The following DMAP1 variants were observed in gnomAD, a reference collection of about 807,000 sequenced individuals.
DMAP1 encodes the protein DNA methyltransferase 1 associated protein 1.
DMAP1 carries 26 observed loss-of-function variants against 52.7 expected under a neutral mutation model. The observed-to-expected ratio is 0.49, with a 90% CI of 0.36 to 0.68. The LOEUF (loss-of-function observed/expected upper bound fraction) is 0.68. Among genes scored for constraint, DMAP1 ranks in the 30% least tolerant of loss-of-function variants. The pLI is 0.00. For synonymous variants in DMAP1, 231 were observed against 246.0 expected, an observed-to-expected ratio of 0.94 and a Z score of 0.57; for missense variants, 439 against 625.2, an observed-to-expected ratio of 0.70 and a Z score of 3.18.
Position 44,218,820 on chromosome 1 carries a change from CAT to C in DMAP1, c.720+66_720+67del. ...CCCCTTGCTCATTGTCTCCATCCTC[CAT>C]CCCCTCAACTCCCACTCCCAGGTCC... On this transcript the variant is annotated intron_variant, in intron 5 of 9. Coordinates refer to ENST00000372289, the MANE Select transcript of DMAP1 (RefSeq NM_019100.5). This position sits in a 1 kb window ranked among gnomAD's most constrained non-coding sequence, Gnocchi z 5.6. 1.9e-6 allele frequency: 3 copies of C among 1,544,160 alleles called. No individual in the cohort carries two copies. Among genetic ancestry groups the C allele is most frequent in the Non-Finnish European group, 2.6e-6 (3 of 1,141,174 alleles).
Position 44,219,106 on chromosome 1 carries a change from G to A in DMAP1, c.771G>A (p.Arg257=). Residue 257 remains arginine (R), a synonymous_variant, in exon 6 of 10, where the codon CGG becomes CGA. Coordinates refer to ENST00000372289, the MANE Select transcript of DMAP1 (RefSeq NM_019100.5). ...LLQELRKIEA[R]KKEREKRSQD... is the part of the protein sequence containing the mutation. ...AGGAGCTGCGCAAGATTGAGGCCCG[G>A]AAGAAGGAGCGGGAGAAACGCAGCC... The A allele has an allele frequency of 9.9e-6, 16 of 1,614,198 alleles. No homozygotes were observed. Among genetic ancestry groups the A allele is most frequent in the Non-Finnish European group, 1.4e-5 (16 of 1,180,046 alleles).
intron 8 of DMAP1, 66 bp from the exon 9 acceptor site, chr1:44,219,951 G>A: frequency 6.2e-7 from 1 of 1,609,714 alleles, no homozygotes; most frequent in Non-Finnish European, 8.5e-7. Flanking sequence ...AGGGGGAGGG[G>A]AGTTCACATT....
intron 2 of DMAP1, 111 bp downstream of exon 2, chr1:44,214,552 T>C: frequency 1.2e-6 from 2 of 1,612,646 alleles, no homozygotes; most frequent in Middle Eastern, 1.6e-4. Flanking sequence ...GGGCTCCTGC[T>C]TGCTTAGCAG....
chr1:44,219,318 G>A, intron 6 of DMAP1, 77 bp downstream of exon 6: 1 of 1,566,508 alleles, frequency 6.4e-7, no homozygotes, highest in Non-Finnish European at 8.6e-7. Context: ...GGAGGGTTCT[G>A]AGAGTACCCA....
chr1:44,219,475 C>A lies in DMAP1; in HGVS notation c.976C>A (p.Arg326=). ...KSAGVTLRSQ[R]MKLPSSVGQK... Reference sequence around the variant, plus strand: ...TGCAGGTGTCACGCTGCGGAGCCAACGGGTACGTGAGTCACCTCCTTTAGC... The same window carrying A: ...TGCAGGTGTCACGCTGCGGAGCCAAAGGGTACGTGAGTCACCTCCTTTAGC... The change falls in exon 7 of 10, where the codon CGG becomes AGG. Residue 326 remains arginine, a splice_region_variant and synonymous_variant. Transcript: ENST00000372289. The A allele has an allele frequency of 6.3e-7, 1 of 1,578,914 alleles. No individual in the cohort carries two copies.
At chr1:44,214,531 C>T (rs763968553) in intron 2 of DMAP1, 90 bp downstream of exon 2, 1 of 1,613,004 alleles carries the variant, frequency 6.2e-7, no homozygotes, top group Admixed American at 1.7e-5. Flanking sequence ...CAATTTTCTC[C>T]TCCCCAGCAA....
Position 44,213,797 on chromosome 1 carries a change from G to C in DMAP1, c.44G>C (p.Gly15Ala). 3 of 1,595,434 alleles carry C rather than the reference G, an allele frequency of 1.9e-6. No homozygotes were observed. In the South Asian group the frequency reaches 3.4e-5, roughly 18 times the overall value. Residue 15 changes from glycine (G) to alanine (A), a missense_variant, in exon 1 of 10, where the codon GGT (glycine) becomes GCT (alanine). By Grantham distance (60) the Gly-to-Ala change is moderately conservative (BLOSUM62 0). Coordinates refer to ENST00000372289, the MANE Select transcript of DMAP1 (RefSeq NM_019100.5). This position sits in a 1 kb window ranked among gnomAD's most constrained non-coding sequence, Gnocchi z 4.5. ...ADVRDILELG[G>A]PEGDAASGTI... is the part of the protein sequence containing the mutation. ...GTACGGGACATTCTAGAACTCGGGG[G>C]TCCAGAAGGGGATGCAGCCTCTGGG...
At chr1:44,217,730 T>G in intron 3 of DMAP1, 1 of 196,834 alleles carries the variant, frequency 5.1e-6, no homozygotes, top group Admixed American at 5.2e-5. Flanking sequence ...CTTGGGTCTC[T>G]GACAGACTCA....
chr1:44,214,647 G>A (rs1643751548), intron 2 of DMAP1, 56 bp from the exon 3 acceptor site: 2 of 1,613,118 alleles, frequency 1.2e-6, no homozygotes, highest in African/African-American at 2.7e-5. Context: ...GGGACAAAAA[G>A]CTCTTTAACA....
At chr1:44,214,986 C>CT in intron 3 of DMAP1, 88 bp downstream of exon 3, 2 of 1,503,924 alleles carry the variant, frequency 1.3e-6, no homozygotes, top group Non-Finnish European at 1.8e-6. Context: ...AGGGTTGGTT[C>CT]TGGGGGCACG....
In DMAP1 at chr1:44,219,191, C is replaced by G; in HGVS notation, c.856C>G (p.Arg286Gly). Residue 286 changes from arginine to glycine, a missense_variant, in exon 6 of 10, where the codon CGC becomes GGC. This residue lies in a region of DMAP1 where 179 missense variants were observed against 285.9 expected (regional missense o/e 0.63). Transcript: ENST00000372289. ...DTTAEQRRTE[R>G]KAPKKKLPQK... Reference sequence around the variant, plus strand: ...CACTGCAGAGCAGCGGCGCACGGAACGCAAGGCCCCCAAAAAGAAGCTACC... The same window carrying G: ...CACTGCAGAGCAGCGGCGCACGGAAGGCAAGGCCCCCAAAAAGAAGCTACC... 6.2e-7 allele frequency: 1 copy of G among 1,613,926 alleles called. No individual in the cohort carries two copies. The highest frequency in any genetic ancestry group is 8.5e-7 in the Non-Finnish European group (1 of 1,179,974).
At chr1:44,215,555 G>A (rs1032860780) in intron 3 of DMAP1, 3 of 330,562 alleles carry the variant, frequency 9.1e-6, no homozygotes, top group African/African-American at 2.2e-5. Context: ...TTTCAAATAA[G>A]AGCCGTCAGT....
intron 1 of DMAP1, among the ~76,000 whole-genome samples, 155 bp from the exon 2 acceptor site, chr1:44,214,195 G>A (rs1643741877): frequency 1.3e-5 from 2 of 152,180 alleles, no homozygotes; most frequent in Non-Finnish European, 2.9e-5. Context: ...GGCGTAGGAT[G>A]GTGTTCCTGG....
At position 44,219,123 on chromosome 1, in the gene DMAP1, A is replaced by G; in HGVS notation, c.788A>G (p.Lys263Arg). 6.2e-7 allele frequency: 1 copy of G among 1,614,200 alleles called. No individual in the cohort carries two copies. Among genetic ancestry groups the G allele is most frequent in the Non-Finnish European group, 8.5e-7 (1 of 1,180,038 alleles). The stretch of plus-strand genomic sequence containing the variant: ...GAGGCCCGGAAGAAGGAGCGGGAGA[A>G]ACGCAGCCAGGACCTGCAGAAGCTG... ...KIEARKKEREKRSQDLQKLIT... is the reference protein window; with the variant it reads ...KIEARKKERERRSQDLQKLIT... Residue 263 changes from lysine to arginine, a missense_variant, in exon 6 of 10, where the codon AAA (lysine) becomes AGA (arginine). Physicochemically the swap from Lys to Arg is conservative, Grantham distance 26 (BLOSUM62 2). Around this residue, in one of 3 missense-constraint regions of DMAP1, gnomAD observed 179 missense variants for 285.9 expected, o/e 0.63. Coordinates refer to ENST00000372289, the MANE Select transcript of DMAP1 (RefSeq NM_019100.5).
At chr1:44,214,036 T>C (rs1643737401) in intron 1 of DMAP1, among the ~76,000 whole-genome samples, 178 bp downstream of exon 1, 1 of 152,068 alleles carries the variant, frequency 6.6e-6, no homozygotes, top group Non-Finnish European at 1.5e-5. Context: ...TGGGACATCG[T>C]GGGAGATGGT....
chr1:44,213,963 G>A lies in DMAP1; in HGVS notation c.105+105G>A. On this transcript the variant is annotated intron_variant, in intron 1 of 9. Coordinates refer to ENST00000372289, the MANE Select transcript of DMAP1 (RefSeq NM_019100.5). The surrounding 1 kb of genome is among the most constrained non-coding windows in gnomAD (Gnocchi z 4.5). ...GGGTGCTACACTTACAGTGAGTTGGGCGATAAAAGGGGTGACATAACAGGA... is the reference window on the plus strand; with the variant it reads ...GGGTGCTACACTTACAGTGAGTTGGACGATAAAAGGGGTGACATAACAGGA... 9.8e-7 allele frequency: 1 copy of A among 1,021,668 alleles called. No individual in the cohort carries two copies. Among genetic ancestry groups the A allele is most frequent in the Non-Finnish European group, 1.5e-6 (1 of 681,422 alleles). 63.3% of individuals were successfully genotyped at this position (1,021,668 alleles called of 1,614,324 possible). A position where few individuals can be genotyped will look rare whatever the true frequency, so the allele number is the denominator to read the frequency against.
rs757395216 is a variant in DMAP1, at chr1:44,218,149, G to T, written c.394-162G>T. 9 of 915,982 alleles carry T rather than the reference G, an allele frequency of 9.8e-6. No homozygotes were observed. Among genetic ancestry groups the T allele is most frequent in the Non-Finnish European group, 1.4e-5 (8 of 559,094 alleles). 56.7% of individuals were successfully genotyped at this position (915,982 alleles called of 1,614,324 possible). On this transcript the variant is annotated intron_variant, in intron 3 of 9. Transcript: ENST00000372289. This position sits in a 1 kb window ranked among gnomAD's most constrained non-coding sequence, Gnocchi z 5.6. ...AGGCTACAGTCCCAAACCCTGCTAGGACCTCTAGTCAAGCAGACAAGTTCT... is the reference window on the plus strand; with the variant it reads ...AGGCTACAGTCCCAAACCCTGCTAGTACCTCTAGTCAAGCAGACAAGTTCT...
chr1:44,214,793 G>A lies in DMAP1; in HGVS notation c.288G>A (p.Lys96=). 10 of 1,614,238 alleles carry A rather than the reference G, an allele frequency of 6.2e-6. No individual in the cohort carries two copies. The highest frequency in any genetic ancestry group is 8.5e-6 in the Non-Finnish European group (10 of 1,180,038). ...KLGSKKVRPW[K]WMPFTNPARK... is the part of the protein sequence containing the mutation. ...GCTCCAAGAAGGTGCGGCCTTGGAAGTGGATGCCATTCACCAACCCGGCCC... is the reference window on the plus strand; with the variant it reads ...GCTCCAAGAAGGTGCGGCCTTGGAAATGGATGCCATTCACCAACCCGGCCC... The change falls in exon 3 of 10, where the codon AAG becomes AAA. Residue 96 remains lysine, a synonymous_variant. Coordinates refer to ENST00000372289, the MANE Select transcript of DMAP1 (RefSeq NM_019100.5).
intron 1 of DMAP1, among the ~76,000 whole-genome samples, chr1:44,214,137 G>GT (rs1474079853): frequency 6.6e-6 from 1 of 152,222 alleles, no homozygotes; most frequent in Admixed American, 6.5e-5. Context: ...TCAAGACATT[G>GT]TAACAGTCTG....
Sources: gnomAD v4.1 joint callset for allele counts (sites outside exome capture counted in the v4.1 genomes callset) on GRCh38, gnomAD v4.1.1 for gene constraint, gnomAD v4.1.1 regional missense constraint, Gnocchi (gnomAD v3.1) non-coding constraint, MANE v1.5 for transcripts, NCBI Gene and HGNC (gene_info 2026-07-23, HGNC 2026-07-21) for gene names.